The following TMEM200C variants were observed in gnomAD, a reference collection of about 807,000 sequenced individuals.
TMEM200C encodes the protein transmembrane protein 200C.
For synonymous variants in TMEM200C, 462 were observed against 324.7 expected (o/e 1.42, Z -4.55); for missense variants, 966 against 699.9 (o/e 1.38, Z -4.29).
At chr18:5,885,699 C>T (rs1437013709) in exon 3 of TMEM200C, 1 of 152,122 alleles carries the variant, frequency 6.6e-6, no homozygotes, top group African/African-American at 2.4e-5. Context: ...AGTTGGACTC[C>T]TTAACTGGTG....
rs1328571796 is a variant in TMEM200C, at chr18:5,890,808, T to G, written c.1256A>C (p.Asp419Ala). The G allele has an allele frequency of 1.0e-5, 7 of 670,728 alleles. No homozygotes were observed. In the East Asian group the frequency reaches 2.1e-4, roughly 20 times the overall value. 41.5% of individuals were successfully genotyped at this position (670,728 alleles called of 1,614,324 possible). A position where few individuals can be genotyped will look rare whatever the true frequency, so the allele number is the denominator to read the frequency against. Reference sequence around the variant, plus strand: ...GCCGCGGAGGTTGGTCATGCTCAGGTCGAGCTCGCCCCTCGGGATCTCCTG... The same window carrying G: ...GCCGCGGAGGTTGGTCATGCTCAGGGCGAGCTCGCCCCTCGGGATCTCCTG... Residue 419 changes from aspartate to alanine, a missense_variant, in exon 3 of 3, where the codon GAC (aspartate) becomes GCC (alanine). Asp to Ala is a moderately radical substitution (Grantham distance 126). Coordinates refer to ENST00000581347, the Ensembl canonical transcript of TMEM200C.
Position 5,895,601 on chromosome 18 carries a change from G to GCC in TMEM200C, c.-545-123_-545-122dup, listed in dbSNP as rs567121689. ...CCCCCGCCCCACCCCCTCCTCCGGC[G>GCC]CCCCCCCCCACGCCGCCGGCCTTCC... On this transcript the variant is annotated intron_variant, in intron 1 of 2. Coordinates refer to ENST00000581347, the Ensembl canonical transcript of TMEM200C. 1.2e-4 allele frequency: 13 copies of GCC among 112,870 alleles called. No homozygotes were observed. In the South Asian group the frequency reaches 1.2e-3, roughly 11 times the overall value. The allele number at this position is 112,870 out of a possible 1,614,324, so 7.0% of individuals were successfully genotyped here. A position where few individuals can be genotyped will look rare whatever the true frequency, so the allele number is the denominator to read the frequency against.
At chr18:5,886,581 GTAAATT>G (rs2095165507) in exon 3 of TMEM200C, 1 of 152,108 alleles carries the variant, frequency 6.6e-6, no homozygotes, top group Admixed American at 6.5e-5. Flanking sequence ...CTACTGAGTA[GTAAATT>G]TAGCCTACTA....
At chr18:5,887,701 CTACAATAG>C (rs2144438166) in exon 3 of TMEM200C, 1 of 152,270 alleles carries the variant, frequency 6.6e-6, no homozygotes, top group African/African-American at 2.4e-5. Flanking sequence ...TACCAAGCTC[CTACAATAG>C]TACTGAACCC....
chr18:5,886,276 G>T (rs928571189), exon 3 of TMEM200C: 1 of 152,088 alleles, frequency 6.6e-6, no homozygotes, highest in African/African-American at 2.4e-5. Flanking sequence ...CCTAATAGGG[G>T]GCTGAGACCT....
chr18:5,889,835 G>T (rs12327336), exon 3 of TMEM200C: 3,317 of 163,672 alleles, frequency 0.02, 46 homozygotes, highest in Non-Finnish European at 0.03. Flanking sequence ...GGAAATGAGG[G>T]ATTAAAAAAA....
intron 2 of TMEM200C, among the ~76,000 whole-genome samples, chr18:5,894,043 T>C (rs1038523556): frequency 6.6e-6 from 1 of 152,224 alleles, no homozygotes; most frequent in Non-Finnish European, 1.5e-5. Flanking sequence ...TGGAGATCCG[T>C]GGTTATCTTA....
chr18:5,891,374 G>T lies in TMEM200C; in HGVS notation c.690C>A (p.Ala230=). 1 of 1,329,404 alleles carries T rather than the reference G, an allele frequency of 7.5e-7. No individual in the cohort carries two copies. Among genetic ancestry groups the T allele is most frequent in the South Asian group, 2.3e-5 (1 of 44,058 alleles). 82.4% of individuals were successfully genotyped at this position (1,329,404 alleles called of 1,614,324 possible). A position where few individuals can be genotyped will look rare whatever the true frequency, so the allele number is the denominator to read the frequency against. Residue 230 remains alanine, a synonymous_variant, in exon 3 of 3, where the codon GCC becomes GCA. Coordinates refer to ENST00000581347, the Ensembl canonical transcript of TMEM200C. This position sits in a 1 kb window ranked among gnomAD's most constrained non-coding sequence, Gnocchi z 4.7. ...CGGCGGGGGCAGACGACGACGAAGA[G>T]GCGGCGGCGGCCGCGGCGGCGGCCG...
At position 5,891,808 on chromosome 18, in the gene TMEM200C, C is replaced by A. The variant is rs372116721; in HGVS notation, c.256G>T (p.Gly86Cys). The A allele has an allele frequency of 2.5e-6, 4 of 1,604,658 alleles. No individual in the cohort carries two copies. The highest frequency in any genetic ancestry group is 3.4e-6 in the Non-Finnish European group (4 of 1,176,988). Reference sequence around the variant, plus strand: ...CTGCCCGCAGGCGGCAGCTGCTTACCCCCCTCCCGATTGGTCCCGGTGGCC... The same window carrying A: ...CTGCCCGCAGGCGGCAGCTGCTTACACCCCTCCCGATTGGTCCCGGTGGCC... Residue 86 changes from glycine to cysteine, a missense_variant, in exon 3 of 3, where the codon GGT (glycine) becomes TGT (cysteine). Transcript: ENST00000581347. This position sits in a 1 kb window ranked among gnomAD's most constrained non-coding sequence, Gnocchi z 4.7.
chr18:5,891,100 C>A lies in TMEM200C; in HGVS notation c.964G>T (p.Val322Leu), dbSNP rs1218064785. The A allele has an allele frequency of 1.4e-5, 7 of 502,434 alleles. No individual in the cohort carries two copies. In the African/African-American group the frequency reaches 1.4e-4, roughly 10 times the overall value. The allele number at this position is 502,434 out of a possible 1,614,324, so 31.1% of individuals were successfully genotyped here. ...GAGCGCTCGCGGTAGACGCTGTACA[C>A]GGCCTCGGCCAGGCTCGGGGGCTCC... Residue 322 changes from valine (V) to leucine (L), a missense_variant, in exon 3 of 3, where the codon GTG becomes TTG. Val to Leu is a conservative substitution (Grantham distance 32). Transcript: ENST00000581347. This position sits in a 1 kb window ranked among gnomAD's most constrained non-coding sequence, Gnocchi z 4.7.
In TMEM200C at chr18:5,891,357, G is replaced by A. The variant is rs1194355088; in HGVS notation, c.707C>T (p.Ala236Val). Residue 236 changes from alanine (A) to valine (V), a missense_variant, in exon 3 of 3, where the codon GCC (alanine) becomes GTC (valine). Coordinates refer to ENST00000581347, the Ensembl canonical transcript of TMEM200C. The surrounding 1 kb of genome is among the most constrained non-coding windows in gnomAD (Gnocchi z 4.7). Reference sequence around the variant, plus strand: ...GGCCCCGGGGGGCGCCGCGGCGGGGGCAGACGACGACGAAGAGGCGGCGGC... The same window carrying A: ...GGCCCCGGGGGGCGCCGCGGCGGGGACAGACGACGACGAAGAGGCGGCGGC... 19 of 1,339,252 alleles carry A rather than the reference G, an allele frequency of 1.4e-5. No homozygotes were observed. The highest frequency in any genetic ancestry group is 1.8e-5 in the Non-Finnish European group (19 of 1,048,956). 83.0% of individuals were successfully genotyped at this position (1,339,252 alleles called of 1,614,324 possible). A position where few individuals can be genotyped will look rare whatever the true frequency, so the allele number is the denominator to read the frequency against.
At chr18:5,892,331 A>AGG (rs1442359984) in intron 2 of TMEM200C, among the ~76,000 whole-genome samples, 174 bp from the exon 2 acceptor site, 2 of 152,186 alleles carry the variant, frequency 1.3e-5, no homozygotes, top group Non-Finnish European at 2.9e-5. Flanking sequence ...ACACTAGGGA[A>AGG]GGGAAACGTT....
rs568557294 is a variant in TMEM200C at position 5,886,879 on chromosome 18, G to T, written c.*3319C>A. 1.5e-4 allele frequency: 23 copies of T among 152,196 alleles called. No homozygotes were observed. In the East Asian group the frequency reaches 4.0e-3, roughly 27 times the overall value. The allele number at this position is 152,196 out of a possible 1,614,324, so 9.4% of individuals were successfully genotyped here. On this transcript the variant is annotated 3_prime_UTR_variant, in exon 3 of 3. Transcript: ENST00000581347. ...AAATTATTCTATTAATAAAAAGGAA[G>T]GTCATATGAAGTAATTGTTTAGCAG... is the stretch of plus-strand genomic sequence containing the variant.
exon 3 of TMEM200C, chr18:5,886,591 CCTA>C (rs891245072): frequency 6.6e-6 from 1 of 152,094 alleles, no homozygotes; most frequent in African/African-American, 2.4e-5. Context: ...GTAAATTTAG[CCTA>C]CTAATTGCTT....
chr18:5,891,799 G>A lies in TMEM200C; in HGVS notation c.265C>T (p.Leu89=). ...CGGTGGCTGCTGCCCGCAGGCGGCAGCTGCTTACCCCCCTCCCGATTGGTC... is the reference window on the plus strand; with the variant it reads ...CGGTGGCTGCTGCCCGCAGGCGGCAACTGCTTACCCCCCTCCCGATTGGTC... Residue 89 remains leucine (L), a synonymous_variant, in exon 3 of 3, where the codon CTG becomes TTG. Transcript: ENST00000581347. This position sits in a 1 kb window ranked among gnomAD's most constrained non-coding sequence, Gnocchi z 4.7. 6.2e-7 allele frequency: 1 copy of A among 1,606,186 alleles called. No individual in the cohort carries two copies. Among genetic ancestry groups the A allele is most frequent in the South Asian group, 1.1e-5 (1 of 91,056 alleles).
exon 3 of TMEM200C, chr18:5,885,229 A>G (rs970139729): frequency 4.6e-5 from 7 of 151,406 alleles, no homozygotes; most frequent in African/African-American, 1.5e-4. Flanking sequence ...GGGCCTGCCT[A>G]TTTTCCTCCC....
chr18:5,890,430 G>T, exon 3 of TMEM200C: 2 of 1,574,634 alleles, frequency 1.3e-6, no homozygotes, highest in Non-Finnish European at 8.7e-7. Context: ...CTCGGTGGAG[G>T]TGCCGGCCTC....
At chr18:5,890,753 C>G (rs1243685026) in exon 3 of TMEM200C, 28 of 598,512 alleles carry the variant, frequency 4.7e-5, no homozygotes, top group Admixed American at 4.5e-4. Context: ...CCTCCGGCTC[C>G]CGGCGCGCCC....
At chr18:5,893,932 G>T (rs1404699679) in intron 2 of TMEM200C, among the ~76,000 whole-genome samples, 1 of 152,126 alleles carries the variant, frequency 6.6e-6, no homozygotes, top group South Asian at 2.1e-4. Flanking sequence ...AGAGCTTACT[G>T]TCTATCTCTA....
Sources: gnomAD v4.1 joint callset for allele counts (sites outside exome capture counted in the v4.1 genomes callset) on GRCh38, gnomAD v4.1.1 for gene constraint, Gnocchi (gnomAD v3.1) non-coding constraint, MANE v1.5 for transcripts, NCBI Gene and HGNC (gene_info 2026-07-23, HGNC 2026-07-21) for gene names.